The following BACH2 variants were observed in gnomAD, a reference collection of about 807,000 sequenced individuals.
BACH2 encodes the protein BACH transcriptional regulator 2.
BACH2 carries 5 observed loss-of-function variants against 61.8 expected under a neutral mutation model. The ratio of observed to expected loss-of-function variants is 0.08; its 90% confidence interval spans 0.04 to 0.17. BACH2 has a LOEUF of 0.17. BACH2 is among the 10% of genes least tolerant of loss of function. The probability of loss-of-function intolerance (pLI) is 1.00; values close to 1 mark genes in which losing one functional copy is unlikely to be tolerated. For missense variants in BACH2, 824 were observed against 1,091.1 expected, an observed-to-expected ratio of 0.76 and a Z score of 3.45; for synonymous variants, 446 against 440.1, an observed-to-expected ratio of 1.01 and a Z score of -0.17.
intron 6 of BACH2, among the ~76,000 whole-genome samples, chr6:89,961,888 A>T (rs1448098424): frequency 6.6e-6 from 1 of 152,130 alleles, no homozygotes; most frequent in African/African-American, 2.4e-5. Context: ...ACTGTCACTT[A>T]TTATTTACAA....
intron 5 of BACH2, among the ~76,000 whole-genome samples, chr6:90,010,750 T>C (rs1777661613): frequency 6.6e-6 from 1 of 152,206 alleles, no homozygotes; most frequent in African/African-American, 2.4e-5. Context: ...TTGCCAACAT[T>C]TGGTATGGTC....
At chr6:90,124,023 A>G (rs1449410649) in intron 4 of BACH2, among the ~76,000 whole-genome samples, 2 of 152,086 alleles carry the variant, frequency 1.3e-5, no homozygotes, top group African/African-American at 4.8e-5. Flanking sequence ...AACTTTTGTC[A>G]AAAACTGATA....
chr6:90,024,412 T>A (rs532591147), intron 5 of BACH2, among the ~76,000 whole-genome samples: 89 of 152,324 alleles, frequency 5.8e-4, no homozygotes, highest in African/African-American at 2.0e-3. Flanking sequence ...GGATGAGGCC[T>A]TTTGGGAGAT....
rs571811457 is a variant in BACH2, at chr6:90,153,030, A to T, written c.-162+53539T>A. Among the ~76,000 whole-genome samples, 242 of 152,334 alleles carry T rather than the reference A, an allele frequency of 1.6e-3. 1 individual carries two copies. Among genetic ancestry groups the T allele is most frequent in the African/African-American group, 5.5e-3 (228 of 41,578 alleles). On this transcript the variant is annotated intron_variant, in intron 4 of 8. Coordinates refer to ENST00000257749, the MANE Select transcript of BACH2 (RefSeq NM_021813.4). ...TCTAATTAAGCACCAGAGTAGATGAATGAAGGGAGCTATGAAACATTCTTT... is the reference window on the plus strand; with the variant it reads ...TCTAATTAAGCACCAGAGTAGATGATTGAAGGGAGCTATGAAACATTCTTT...
At chr6:90,061,261 G>A (rs1191797858) in intron 5 of BACH2, among the ~76,000 whole-genome samples, 2 of 152,140 alleles carry the variant, frequency 1.3e-5, no homozygotes, top group Non-Finnish European at 2.9e-5. Flanking sequence ...GAGGTGAAAT[G>A]ACTCGATATC....
intron 7 of BACH2, among the ~76,000 whole-genome samples, chr6:89,939,656 CTTTTTTTTTT>C (rs71298713): frequency 0.044 from 3,621 of 82,650 alleles, 69 homozygotes; most frequent in Middle Eastern, 0.076. Context: ...GCTTATATTT[CTTTTTTTTTT>C]TTTTTTTTTT....
At chr6:90,036,526 C>T (rs1779271443) in intron 5 of BACH2, among the ~76,000 whole-genome samples, 1 of 152,098 alleles carries the variant, frequency 6.6e-6, no homozygotes, top group South Asian at 2.1e-4. Context: ...ACAGTGAACA[C>T]CTACATACCC....
chr6:90,136,723 T>A (rs1784282447), intron 4 of BACH2, among the ~76,000 whole-genome samples: 1 of 151,604 alleles, frequency 6.6e-6, no homozygotes, highest in Non-Finnish European at 1.5e-5. Context: ...CAGATTAAGA[T>A]GAAAAAAAGG....
intron 1 of BACH2, among the ~76,000 whole-genome samples, chr6:90,295,807 G>C (rs1772341170): frequency 6.6e-6 from 1 of 152,318 alleles, no homozygotes; most frequent in South Asian, 2.1e-4. Context: ...TTCGCTAGGA[G>C]AGATTCGATC....
At chr6:90,237,767 A>G (rs1180297027) in intron 3 of BACH2, among the ~76,000 whole-genome samples, 1 of 152,212 alleles carries the variant, frequency 6.6e-6, no homozygotes. Context: ...TGCAGCACAC[A>G]ACCTCTGACA....
At chr6:90,126,904 G>A (rs1318394139) in intron 4 of BACH2, among the ~76,000 whole-genome samples, 1 of 152,212 alleles carries the variant, frequency 6.6e-6, no homozygotes, top group Non-Finnish European at 1.5e-5. Flanking sequence ...CAAAATGGGA[G>A]TGCCACAAAT....
Position 89,932,422 on chromosome 6 carries a change from T to C in BACH2, c.2512A>G (p.Lys838Glu), listed in dbSNP as rs932699219. The change falls in exon 9 of 9, where the codon AAA becomes GAA. Residue 838 changes from lysine to glutamate, a missense_variant. This residue lies in a region of BACH2 where 135 missense variants were observed against 142.7 expected (regional missense o/e 0.95). Transcript: ENST00000257749. ...DKCTTDEQPR[K>E]DYT ...GAGCCGAGTCACTAGGTATAATCTT[T>C]CCTGGGCTGTTCGTCAGTTGTACAC... The C allele has an allele frequency of 3.1e-6, 5 of 1,613,712 alleles. No homozygotes were observed. The highest frequency in any genetic ancestry group is 4.2e-6 in the Non-Finnish European group (5 of 1,179,642).
chr6:90,139,984 AT>A (rs1784410702), intron 4 of BACH2, among the ~76,000 whole-genome samples: 2 of 152,172 alleles, frequency 1.3e-5, no homozygotes, highest in Admixed American at 1.3e-4. Context: ...GTCCAGGATG[AT>A]ACGGAGCTTC....
At chr6:89,932,947 G>T in intron 8 of BACH2, 57 bp from the exon 9 acceptor site, 1 of 1,504,524 alleles carries the variant, frequency 6.6e-7, no homozygotes, top group Non-Finnish European at 8.9e-7. Flanking sequence ...GAGGACAGAA[G>T]GCCTCGTTTC....
At chr6:90,138,534 G>A (rs1410378617) in intron 4 of BACH2, among the ~76,000 whole-genome samples, 1 of 151,654 alleles carries the variant, frequency 6.6e-6, no homozygotes, top group Admixed American at 6.6e-5. Flanking sequence ...ACCAGCAGGG[G>A]GATACAGACA....
chr6:89,942,812 A>T (rs1773513843), intron 7 of BACH2, among the ~76,000 whole-genome samples: 1 of 152,186 alleles, frequency 6.6e-6, no homozygotes, highest in Admixed American at 6.5e-5. Context: ...CACAGTTGGC[A>T]CAATAAGCTG....
intron 3 of BACH2, among the ~76,000 whole-genome samples, chr6:90,213,411 T>A (rs1057186267): frequency 6.6e-6 from 1 of 152,204 alleles, no homozygotes; most frequent in African/African-American, 2.4e-5. Flanking sequence ...TCCATGTCAG[T>A]CAGGGGATTC....
At chr6:90,151,226 C>G (rs1361199545) in intron 4 of BACH2, among the ~76,000 whole-genome samples, 1 of 152,176 alleles carries the variant, frequency 6.6e-6, no homozygotes, top group African/African-American at 2.4e-5. Context: ...TGAATGTTGT[C>G]TTTTCCTCCT....
chr6:90,076,326 C>T (rs914779814), intron 5 of BACH2, among the ~76,000 whole-genome samples: 1 of 152,146 alleles, frequency 6.6e-6, no homozygotes, highest in African/African-American at 2.4e-5. Context: ...CAAGCTTTTA[C>T]TGAACACCTA....
Sources: gnomAD v4.1 joint callset for allele counts (sites outside exome capture counted in the v4.1 genomes callset) on GRCh38, gnomAD v4.1.1 for gene constraint, gnomAD v4.1.1 regional missense constraint, MANE v1.5 for transcripts, NCBI Gene and HGNC (gene_info 2026-07-23, HGNC 2026-07-21) for gene names.